The following OOSP1 variants were observed in gnomAD, a reference collection of about 807,000 sequenced individuals.
OOSP1 encodes putative oocyte-secreted protein 1 homolog.
Under a neutral mutation model 5.7 loss-of-function variants are expected in OOSP1, and 11 were observed. The observed-to-expected ratio is 1.94, with a 90% CI of 1.22 to 3.20. The LOEUF (loss-of-function observed/expected upper bound fraction) is 3.20, where lower values mean the gene tolerates loss of function less well. Ranked by LOEUF, OOSP1 falls within the 30% of genes most tolerant of loss-of-function variation. The pLI is 0.00. For synonymous variants in OOSP1, 44 were observed against 20.0 expected (o/e 2.20, Z -3.20); for missense variants, 83 against 54.1 (o/e 1.53, Z -1.67).
At chr11:59,954,808 A>G (rs1853977958) in intron 4 of OOSP1, among the ~76,000 whole-genome samples, 1 of 152,180 alleles carries the variant, frequency 6.6e-6, no homozygotes, top group Non-Finnish European at 1.5e-5. Flanking sequence ...TGATCCTCAT[A>G]TAGAATTATC....
chr11:59,950,264 T>A (rs1853925202), intron 4 of OOSP1, among the ~76,000 whole-genome samples: 1 of 152,206 alleles, frequency 6.6e-6, no homozygotes, highest in Admixed American at 6.6e-5. Flanking sequence ...TTTAAGATGC[T>A]GCTTAGATCT....
Position 59,953,030 on chromosome 11 carries a change from G to C in OOSP1, c.487-4165G>C, listed in dbSNP as rs527703115. The stretch of plus-strand genomic sequence containing the variant: ...TTTTCCTCTGGTTAGTATGTATGCT[G>C]TCTTTTTCTATTGGTTTATTTTTAC... On this transcript the variant is annotated intron_variant, in intron 4 of 4. Coordinates refer to ENST00000646685, the Ensembl canonical transcript of OOSP1. 9.5e-4 allele frequency among the ~76,000 whole-genome samples: 144 copies of C among 152,204 alleles called. 1 individual carries two copies. The highest frequency in any genetic ancestry group is 3.2e-3 in the African/African-American group (134 of 41,526).
Position 59,946,427 on chromosome 11 carries a change from C to G in OOSP1, c.356+1161C>G, listed in dbSNP as rs576215602. Among the ~76,000 whole-genome samples the G allele has an allele frequency of 2.6e-5, 4 of 152,340 alleles. No individual in the cohort carries two copies. The East Asian group carries it at 7.7e-4, about 29-fold the overall frequency. On this transcript the variant is annotated intron_variant, in intron 3 of 4. Transcript: ENST00000646685. ...TGACCCCATCACCTCCCACCAGGTT[C>G]CATCTCCAATATTGGGGATTACAAT...
chr11:59,954,303 C>T (rs889717820), intron 4 of OOSP1, among the ~76,000 whole-genome samples: 1 of 151,968 alleles, frequency 6.6e-6, no homozygotes, highest in African/African-American at 2.4e-5. Context: ...CTACTCAGCT[C>T]TGCCCTTGTT....
At chr11:59,946,969 G>A (rs199590833) in intron 3 of OOSP1, among the ~76,000 whole-genome samples, 11 of 134,982 alleles carry the variant, frequency 8.1e-5, no homozygotes, top group East Asian at 4.5e-4. Flanking sequence ...CTATCTATCT[G>A]TCTATCTACT....
At chr11:59,950,572 G>T (rs549972209) in intron 4 of OOSP1, among the ~76,000 whole-genome samples, 1 of 152,312 alleles carries the variant, frequency 6.6e-6, no homozygotes, top group East Asian at 1.9e-4. Flanking sequence ...GGTCCTGGGA[G>T]CCGTGCAGGT....
At chr11:59,949,011 A>T (rs1199372149) in intron 4 of OOSP1, 3 of 375,732 alleles carry the variant, frequency 8.0e-6, no homozygotes, top group Admixed American at 9.0e-5. Flanking sequence ...ATTTATGAAT[A>T]AAGTTTATAC....
At chr11:59,943,393 G>T (rs1382743290) in intron 2 of OOSP1, among the ~76,000 whole-genome samples, 1 of 152,012 alleles carries the variant, frequency 6.6e-6, no homozygotes, top group South Asian at 2.1e-4. Context: ...GTGTCTTATG[G>T]TTCCTTCAAC....
At chr11:59,950,646 A>G (rs1474271843) in intron 4 of OOSP1, among the ~76,000 whole-genome samples, 1 of 152,188 alleles carries the variant, frequency 6.6e-6, no homozygotes, top group Non-Finnish European at 1.5e-5. Flanking sequence ...AGCGTTGTCC[A>G]TTAGATCCAG....
Position 59,945,285 on chromosome 11 carries a change from A to T in OOSP1, c.356+19A>T, listed in dbSNP as rs940307259. The T allele has an allele frequency of 5.7e-6, 4 of 702,828 alleles. No homozygotes were observed. Among genetic ancestry groups the T allele is most frequent in the Non-Finnish European group, 1.0e-5 (4 of 384,958 alleles). 43.5% of individuals were successfully genotyped at this position (702,828 alleles called of 1,614,324 possible). A position where few individuals can be genotyped will look rare whatever the true frequency, so the allele number is the denominator to read the frequency against. ...TCCACAAGTGAGTATGGAATGCCAA[A>T]CCCCTGTCCTAGCCCCTGGCTTCAT... is the stretch of plus-strand genomic sequence containing the variant. On this transcript the variant is annotated intron_variant, in intron 3 of 4. Coordinates refer to ENST00000646685, the Ensembl canonical transcript of OOSP1.
chr11:59,950,900 T>A (rs1250369232), intron 4 of OOSP1, among the ~76,000 whole-genome samples: 1 of 152,002 alleles, frequency 6.6e-6, no homozygotes, highest in Admixed American at 6.6e-5. Flanking sequence ...GTTTTTTTTT[T>A]ATAGATTACC....
At chr11:59,955,480 C>T (rs541779060) in intron 4 of OOSP1, among the ~76,000 whole-genome samples, 1 of 152,044 alleles carries the variant, frequency 6.6e-6, no homozygotes, top group East Asian at 1.9e-4. Flanking sequence ...CCCAATTATA[C>T]AATAAATGAT....
At chr11:59,951,867 T>C (rs1853944069) in intron 4 of OOSP1, among the ~76,000 whole-genome samples, 1 of 146,264 alleles carries the variant, frequency 6.8e-6, no homozygotes, top group Non-Finnish European at 1.5e-5. Flanking sequence ...TAAAAAGAAG[T>C]CAAACTTCCT....
At chr11:59,944,274 C>G (rs1853859570) in intron 2 of OOSP1, among the ~76,000 whole-genome samples, 1 of 149,618 alleles carries the variant, frequency 6.7e-6, no homozygotes, top group Non-Finnish European at 1.5e-5. Flanking sequence ...GTCAACAAGC[C>G]CTTAGGGGAT....
chr11:59,945,402 A>G, intron 3 of OOSP1, 136 bp downstream of exon 3: 1 of 694,270 alleles, frequency 1.4e-6, no homozygotes, highest in Middle Eastern at 2.3e-4. Flanking sequence ...ATGGGAACAC[A>G]GATCTCTTGA....
chr11:59,945,169 C>G (rs1467013855), exon 3 of OOSP1: 1 of 702,794 alleles, frequency 1.4e-6, no homozygotes, highest in Non-Finnish European at 2.6e-6. Flanking sequence ...TGTCTTGTAG[C>G]CTCTCCAGGA....
At chr11:59,956,245 T>C (rs1183687623) in intron 4 of OOSP1, among the ~76,000 whole-genome samples, 1 of 152,080 alleles carries the variant, frequency 6.6e-6, no homozygotes, top group Non-Finnish European at 1.5e-5. Flanking sequence ...AATGTATTAG[T>C]TCAAGGTGGG....
intron 4 of OOSP1, among the ~76,000 whole-genome samples, chr11:59,949,458 G>A (rs774468995): frequency 2.6e-5 from 4 of 151,454 alleles, no homozygotes; most frequent in South Asian, 2.1e-4. Flanking sequence ...AGGGAAGGCC[G>A]TTCACACATG....
chr11:59,938,599 A>T (rs1025858028), intron 1 of OOSP1, 69 bp downstream of exon 1: 14 of 447,890 alleles, frequency 3.1e-5, no homozygotes, highest in Admixed American at 7.9e-5. Flanking sequence ...TGGATTCTTT[A>T]CAGTTGTGGT....
Sources: gnomAD v4.1 joint callset for allele counts (sites outside exome capture counted in the v4.1 genomes callset) on GRCh38, gnomAD v4.1.1 for gene constraint, MANE v1.5 for transcripts, NCBI Gene and HGNC (gene_info 2026-07-23, HGNC 2026-07-21) for gene names.